The following ENTREP2 variants were observed in gnomAD, a reference collection of about 807,000 sequenced individuals.
The protein encoded by ENTREP2 is protein ENTREP2.
chr15:29,255,768 G>A, the ENTREP2 span, among the ~76,000 whole-genome samples: 2 of 152,120 alleles, frequency 1.3e-5, no homozygotes, highest in Non-Finnish European at 2.9e-5. Flanking sequence ...TTGGGGGGTC[G>A]AGGCGGGCGG....
chr15:29,481,650 C>T, the ENTREP2 span, among the ~76,000 whole-genome samples: 1 of 152,082 alleles, frequency 6.6e-6, no homozygotes, highest in South Asian at 2.1e-4. Context: ...CTTAACATAG[C>T]CTGGCTAAGT....
At chr15:29,182,270 GCCCGCCACCGCA>G in the ENTREP2 span, among the ~76,000 whole-genome samples, 1 of 151,658 alleles carries the variant, frequency 6.6e-6, no homozygotes, top group African/African-American at 2.4e-5. Flanking sequence ...GACTACAGGC[GCCCGCCACCGCA>G]CCCGGCTAAT....
the ENTREP2 span, among the ~76,000 whole-genome samples, chr15:29,145,473 A>G: frequency 2.0e-5 from 3 of 151,952 alleles, no homozygotes; most frequent in African/African-American, 7.3e-5. Flanking sequence ...ATACAAAAAA[A>G]TTAGCCAGGT....
chr15:29,528,537 T>C, the ENTREP2 span, among the ~76,000 whole-genome samples: 7 of 152,128 alleles, frequency 4.6e-5, no homozygotes, highest in Non-Finnish European at 1.5e-5. Flanking sequence ...ACTTGAAAGA[T>C]AACAAGCCAG....
chr15:29,142,769 T>C, the ENTREP2 span, among the ~76,000 whole-genome samples: 1 of 152,034 alleles, frequency 6.6e-6, no homozygotes, highest in Non-Finnish European at 1.5e-5. Flanking sequence ...ATACATGTCA[T>C]AGTAGATGAT....
chr15:29,566,992 A>G, the ENTREP2 span, among the ~76,000 whole-genome samples: 2 of 152,172 alleles, frequency 1.3e-5, no homozygotes, highest in African/African-American at 4.8e-5. Flanking sequence ...TCCAAGAAAA[A>G]TAACAAACTA....
the ENTREP2 span, among the ~76,000 whole-genome samples, chr15:29,462,274 G>A: frequency 1.3e-5 from 2 of 152,174 alleles, no homozygotes; most frequent in Non-Finnish European, 2.9e-5. Flanking sequence ...CCAGAAGTGG[G>A]ATTGCTGGAT....
At chr15:29,645,069 T>C in the ENTREP2 span, among the ~76,000 whole-genome samples, 1 of 151,918 alleles carries the variant, frequency 6.6e-6, no homozygotes, top group Non-Finnish European at 1.5e-5. Context: ...GAGAAATAAA[T>C]TGAGTTCATT....
chr15:29,316,343 T>C, the ENTREP2 span, among the ~76,000 whole-genome samples: 3 of 151,444 alleles, frequency 2.0e-5, no homozygotes, highest in African/African-American at 7.3e-5. Context: ...CAAGGGAAAA[T>C]AAAGAAGAGA....
At chr15:29,246,896 C>T in the ENTREP2 span, among the ~76,000 whole-genome samples, 29 of 150,130 alleles carry the variant, frequency 1.9e-4, no homozygotes, top group African/African-American at 6.1e-4. Flanking sequence ...TGGTTGACTA[C>T]AAAATCCATG....
chr15:29,354,371 C>T, the ENTREP2 span, among the ~76,000 whole-genome samples: 1,532 of 152,272 alleles, frequency 0.01, 40 homozygotes, highest in African/African-American at 0.035. Context: ...AGTGCATGAA[C>T]CTATTCCCAT....
the ENTREP2 span, among the ~76,000 whole-genome samples, chr15:29,316,926 A>T: frequency 6.6e-6 from 1 of 152,210 alleles, no homozygotes; most frequent in East Asian, 1.9e-4. Context: ...CAAATATTAC[A>T]AATTTGTTTT....
At chr15:29,310,401 G>C in the ENTREP2 span, among the ~76,000 whole-genome samples, 1 of 152,226 alleles carries the variant, frequency 6.6e-6, no homozygotes, top group African/African-American at 2.4e-5. Flanking sequence ...CACTGGAGCA[G>C]AACTGCCCTG....
the ENTREP2 span, among the ~76,000 whole-genome samples, chr15:29,444,550 T>C: frequency 6.6e-6 from 1 of 151,238 alleles, no homozygotes; most frequent in Non-Finnish European, 1.5e-5. Flanking sequence ...CACTGCAAAC[T>C]CCGACTCCCA....
At chr15:29,393,174 G>C in the ENTREP2 span, among the ~76,000 whole-genome samples, 3 of 152,176 alleles carry the variant, frequency 2.0e-5, no homozygotes, top group South Asian at 4.1e-4. Context: ...ATTGTGATTT[G>C]CTTTCTTTGA....
the ENTREP2 span, among the ~76,000 whole-genome samples, chr15:29,572,642 C>A: frequency 6.6e-6 from 1 of 151,532 alleles, no homozygotes; most frequent in Non-Finnish European, 1.5e-5. Flanking sequence ...AATAGCCTAA[C>A]AAATTAGTGA....
At chr15:29,570,710 C>G in the ENTREP2 span, 26 of 1,088,456 alleles carry the variant, frequency 2.4e-5, no homozygotes, top group South Asian at 6.1e-4. Context: ...TCGGGGGCCG[C>G]CGGCCGGAGG....
the ENTREP2 span, among the ~76,000 whole-genome samples, chr15:29,481,304 G>A: frequency 6.6e-6 from 1 of 152,156 alleles, no homozygotes; most frequent in African/African-American, 2.4e-5. Flanking sequence ...ATATCTGGGG[G>A]TGGGGCCTGA....
At chr15:29,351,880 C>T in the ENTREP2 span, among the ~76,000 whole-genome samples, 10 of 152,074 alleles carry the variant, frequency 6.6e-5, no homozygotes, top group African/African-American at 2.2e-4. Context: ...CTCAAGCTAT[C>T]CTCCTACCTC....
Sources: gnomAD v4.1 joint callset for allele counts (sites outside exome capture counted in the v4.1 genomes callset) on GRCh38, gnomAD v4.1.1 for gene constraint, MANE v1.5 for transcripts, NCBI Gene and HGNC (gene_info 2026-07-23, HGNC 2026-07-21) for gene names.